Variants in EXOC6B observed in about 807,000 individuals in gnomAD.
EXOC6B encodes the protein SEC15 homolog B.
In EXOC6B, 54 loss-of-function variants were observed where a neutral mutation model predicts 113.5. The observed-to-expected ratio is 0.48, with a 90% CI of 0.38 to 0.60. The LOEUF (loss-of-function observed/expected upper bound fraction) is 0.60. EXOC6B is among the 20% of genes least tolerant of loss of function. The pLI, the probability that EXOC6B is intolerant of heterozygous loss-of-function variation, is 0.00. For missense variants in EXOC6B, 797 were observed against 977.5 expected (o/e 0.82, Z 2.46); for synonymous variants, 357 against 339.0 (o/e 1.05, Z -0.58).
At chr2:72,792,950 C>A (rs1684754001) in intron 1 of EXOC6B, among the ~76,000 whole-genome samples, 1 of 152,114 alleles carries the variant, frequency 6.6e-6, no homozygotes, top group African/African-American at 2.4e-5. Flanking sequence ...GGACTGCATT[C>A]TTTTATGTTC....
At chr2:72,626,309 T>C (rs1212958167) in intron 6 of EXOC6B, among the ~76,000 whole-genome samples, 2 of 152,224 alleles carry the variant, frequency 1.3e-5, no homozygotes, top group East Asian at 1.9e-4. Flanking sequence ...CAACTCCTAA[T>C]TGTATTTGGA....
intron 1 of EXOC6B, among the ~76,000 whole-genome samples, chr2:72,804,035 T>C (rs550511086): frequency 2.0e-4 from 30 of 152,318 alleles, no homozygotes; most frequent in Admixed American, 1.4e-3. Flanking sequence ...GAGCTATGTA[T>C]ATCACCTAAA....
intron 1 of EXOC6B, among the ~76,000 whole-genome samples, chr2:72,774,949 G>A (rs1483002090): frequency 6.6e-6 from 1 of 152,090 alleles, no homozygotes; most frequent in African/African-American, 2.4e-5. Flanking sequence ...ATAGAACTCA[G>A]TTAAGCACTT....
chr2:72,359,427 A>G (rs1690167672), intron 19 of EXOC6B, among the ~76,000 whole-genome samples: 1 of 152,174 alleles, frequency 6.6e-6, no homozygotes, highest in Non-Finnish European at 1.5e-5. Context: ...TCTTGGAAGC[A>G]GTTTTCAGGC....
intron 20 of EXOC6B, among the ~76,000 whole-genome samples, chr2:72,315,220 T>C (rs913015948): frequency 6.6e-6 from 1 of 152,118 alleles, no homozygotes; most frequent in Non-Finnish European, 1.5e-5. Context: ...GAAAAAGTCA[T>C]ATCAAGTGCA....
intron 14 of EXOC6B, 47 bp from the exon 15 acceptor site, chr2:72,495,586 T>G (rs756368540): frequency 2.0e-6 from 2 of 977,210 alleles, no homozygotes; most frequent in African/African-American, 3.3e-5. Context: ...CCAACGAAGA[T>G]TGAAGATATT....
At chr2:72,296,352 T>C (rs1686133260) in intron 20 of EXOC6B, among the ~76,000 whole-genome samples, 2 of 152,104 alleles carry the variant, frequency 1.3e-5, no homozygotes, top group Non-Finnish European at 2.9e-5. Flanking sequence ...ACAGTCAAAT[T>C]TCCTTGGCTT....
chr2:72,821,449 C>A (rs2105174745), intron 1 of EXOC6B, among the ~76,000 whole-genome samples: 1 of 152,106 alleles, frequency 6.6e-6, no homozygotes, highest in African/African-American at 2.4e-5. Flanking sequence ...TACCTTACAG[C>A]CTAGAAATTC....
chr2:72,643,078 A>G (rs1235867834), intron 6 of EXOC6B, among the ~76,000 whole-genome samples: 1 of 152,124 alleles, frequency 6.6e-6, no homozygotes, highest in Non-Finnish European at 1.5e-5. Context: ...ATCTCACACC[A>G]GTTAGAATGG....
At chr2:72,617,944 G>T (rs1237185961) in intron 6 of EXOC6B, among the ~76,000 whole-genome samples, 1 of 152,120 alleles carries the variant, frequency 6.6e-6, no homozygotes, top group African/African-American at 2.4e-5. Context: ...CCATTCGGGA[G>T]GTCTATGATT....
At chr2:72,272,647 A>G (rs923376377) in intron 20 of EXOC6B, among the ~76,000 whole-genome samples, 25 of 152,286 alleles carry the variant, frequency 1.6e-4, no homozygotes, top group African/African-American at 4.8e-4. Context: ...TGGAGAGTAG[A>G]ACAACTAAGC....
intron 1 of EXOC6B, among the ~76,000 whole-genome samples, chr2:72,752,168 T>G (rs920194243): frequency 6.6e-6 from 1 of 152,174 alleles, no homozygotes; most frequent in African/African-American, 2.4e-5. Flanking sequence ...TCACAATAAA[T>G]GGTGTTGTCA....
intron 17 of EXOC6B, among the ~76,000 whole-genome samples, chr2:72,472,240 C>T (rs911703532): frequency 6.6e-5 from 10 of 151,996 alleles, no homozygotes; most frequent in East Asian, 1.9e-4. Context: ...GAATAAGTTA[C>T]GGAGAATTCT....
chr2:72,333,596 G>C (rs536680005), intron 20 of EXOC6B, among the ~76,000 whole-genome samples: 18 of 152,112 alleles, frequency 1.2e-4, no homozygotes, highest in Non-Finnish European at 2.6e-4. Flanking sequence ...GAATGTCTCA[G>C]TTGAGTTGCT....
intron 20 of EXOC6B, among the ~76,000 whole-genome samples, chr2:72,195,477 G>A (rs1679112082): frequency 6.6e-6 from 1 of 152,212 alleles, no homozygotes; most frequent in Non-Finnish European, 1.5e-5. Flanking sequence ...TGCCACAGAT[G>A]TTGTAGGAGA....
intron 18 of EXOC6B, among the ~76,000 whole-genome samples, chr2:72,417,622 TTTAGA>T (rs528948420): frequency 1.3e-5 from 2 of 152,164 alleles, no homozygotes; most frequent in Non-Finnish European, 2.9e-5. Flanking sequence ...ACTCTTTAAT[TTTAGA>T]TTATAGTATT....
At chr2:72,502,615 A>T (rs1409459204) in intron 11 of EXOC6B, among the ~76,000 whole-genome samples, 1 of 152,190 alleles carries the variant, frequency 6.6e-6, no homozygotes, top group African/African-American at 2.4e-5. Context: ...ATATTTAAAA[A>T]TGCCTTTATT....
At chr2:72,497,181 C>T (rs1301374519) in intron 13 of EXOC6B, among the ~76,000 whole-genome samples, 1 of 151,786 alleles carries the variant, frequency 6.6e-6, no homozygotes, top group Non-Finnish European at 1.5e-5. Flanking sequence ...GCTATGTTGT[C>T]CAGGATTGTC....
intron 6 of EXOC6B, among the ~76,000 whole-genome samples, chr2:72,586,617 T>C (rs1391817816): frequency 6.6e-6 from 1 of 152,094 alleles, no homozygotes; most frequent in Non-Finnish European, 1.5e-5. Flanking sequence ...CTGGGCGTGG[T>C]GGCACATGCC....
Sources: allele counts gnomAD v4.1 joint callset (sites outside exome capture counted in the v4.1 genomes callset), GRCh38; gene constraint gnomAD v4.1.1; transcripts MANE v1.5; gene names NCBI Gene and HGNC (gene_info 2026-07-23, HGNC 2026-07-21).